The following ZNF438 variants were observed in gnomAD, a reference collection of about 807,000 sequenced individuals.
ZNF438 encodes the protein zinc finger protein 438.
ZNF438 carries 25 observed loss-of-function variants against 38.0 expected under a neutral mutation model. That is an observed-to-expected ratio of 0.66 (90% CI 0.48 to 0.92). The LOEUF (loss-of-function observed/expected upper bound fraction) is 0.92. Ranked by LOEUF, ZNF438 falls within the 40% of genes least tolerant of loss-of-function variation. The pLI is 0.00. For missense variants in ZNF438, 1,007 were observed against 999.6 expected, an observed-to-expected ratio of 1.01 and a Z score of -0.10; for synonymous variants, 372 against 364.1, an observed-to-expected ratio of 1.02 and a Z score of -0.25.
At chr10:30,929,068 CCTTT>C (rs2045307607) in intron 2 of ZNF438, among the ~76,000 whole-genome samples, 1 of 152,158 alleles carries the variant, frequency 6.6e-6, no homozygotes, top group African/African-American at 2.4e-5. Context: ...GTTTCTATTT[CCTTT>C]GTTTTATGCT....
At chr10:31,007,540 A>T (rs2055274475) in intron 1 of ZNF438, among the ~76,000 whole-genome samples, 1 of 152,074 alleles carries the variant, frequency 6.6e-6, no homozygotes, top group Admixed American at 6.5e-5. Context: ...TTGGCCTCCC[A>T]AAGTGCTGGG....
intron 1 of ZNF438, among the ~76,000 whole-genome samples, chr10:30,999,112 G>A (rs1202408833): frequency 6.6e-6 from 1 of 152,016 alleles, no homozygotes; most frequent in Non-Finnish European, 1.5e-5. Flanking sequence ...AAAAAAATCT[G>A]AAAGTTAAAT....
At chr10:30,930,869 T>C (rs1045730814) in intron 2 of ZNF438, among the ~76,000 whole-genome samples, 1 of 123,728 alleles carries the variant, frequency 8.1e-6, no homozygotes, top group Non-Finnish European at 1.7e-5. Context: ...GAAACTGCCA[T>C]CTGAATGATT....
At chr10:30,944,777 T>G (rs768371116) in intron 1 of ZNF438, among the ~76,000 whole-genome samples, 1 of 152,214 alleles carries the variant, frequency 6.6e-6, no homozygotes, top group Admixed American at 6.5e-5. Flanking sequence ...CAGTTAGTCA[T>G]GTCAAAGAGG....
At chr10:30,849,903 C>T (rs1460694991) in exon 5 of ZNF438, 2 of 1,613,940 alleles carry the variant, frequency 1.2e-6, no homozygotes, top group African/African-American at 1.3e-5. Context: ...TACAGGAGTT[C>T]AGGGTGGTGA....
intron 2 of ZNF438, among the ~76,000 whole-genome samples, chr10:30,930,802 T>A: frequency 1.5e-4 from 1 of 6,668 alleles, no homozygotes; most frequent in Non-Finnish European, 2.5e-4. Flanking sequence ...AGAAACTCAG[T>A]CAAAAAAAAA....
At chr10:30,939,211 T>G (rs2046567241) in intron 2 of ZNF438, among the ~76,000 whole-genome samples, 1 of 152,188 alleles carries the variant, frequency 6.6e-6, no homozygotes, top group Admixed American at 6.5e-5. Flanking sequence ...AATTAAATTC[T>G]CTGAAATTTA....
chr10:30,983,353 G>T (rs1041244969), intron 1 of ZNF438, among the ~76,000 whole-genome samples: 8 of 152,178 alleles, frequency 5.3e-5, no homozygotes, highest in Admixed American at 2.0e-4. Flanking sequence ...GGTTGGGGAG[G>T]CCTCAAGAAA....
At chr10:31,023,182 C>T (rs886287732) in intron 1 of ZNF438, among the ~76,000 whole-genome samples, 5 of 152,258 alleles carry the variant, frequency 3.3e-5, no homozygotes, top group African/African-American at 1.2e-4. Flanking sequence ...TAATGTTGAT[C>T]AGAATACTTT....
intron 4 of ZNF438, among the ~76,000 whole-genome samples, chr10:30,853,493 G>A (rs1391420986): frequency 6.6e-6 from 1 of 152,186 alleles, no homozygotes; most frequent in Non-Finnish European, 1.5e-5. Context: ...CCTGAGAGGA[G>A]GCTCCTGGCT....
At chr10:30,903,529 C>T (rs547711300) in intron 3 of ZNF438, among the ~76,000 whole-genome samples, 1 of 152,322 alleles carries the variant, frequency 6.6e-6, no homozygotes, top group South Asian at 2.1e-4. Flanking sequence ...AAAATTATTT[C>T]AGAGTCTACT....
At chr10:30,880,157 G>T (rs1195701625) in intron 3 of ZNF438, among the ~76,000 whole-genome samples, 1 of 152,024 alleles carries the variant, frequency 6.6e-6, no homozygotes. Flanking sequence ...CTGGCTGGAC[G>T]CGGAGGCTCA....
chr10:30,872,425 C>CAAAAAAAAAAAAA (rs566401687), intron 4 of ZNF438, among the ~76,000 whole-genome samples: 8 of 58,692 alleles, frequency 1.4e-4, no homozygotes, highest in Admixed American at 2.3e-4. Context: ...GACTCTGTCT[C>CAAAAAAAAAAAAA]AAAAAAAAAA....
At chr10:30,998,590 A>T (rs1427785769) in intron 1 of ZNF438, among the ~76,000 whole-genome samples, 1 of 139,668 alleles carries the variant, frequency 7.2e-6, no homozygotes, top group Non-Finnish European at 1.5e-5. Flanking sequence ...AAAAAAAATC[A>T]AGTATTACTA....
At chr10:30,853,481 C>T (rs2034068131) in intron 4 of ZNF438, among the ~76,000 whole-genome samples, 1 of 152,198 alleles carries the variant, frequency 6.6e-6, no homozygotes, top group African/African-American at 2.4e-5. Flanking sequence ...GGGCATGCAC[C>T]TCCTGAGAGG....
At chr10:31,021,118 G>A (rs560472134) in intron 1 of ZNF438, among the ~76,000 whole-genome samples, 209 of 148,118 alleles carry the variant, frequency 1.4e-3, no homozygotes, top group African/African-American at 3.5e-3. Flanking sequence ...GTGCAGTGGC[G>A]CAATCTCAGC....
chr10:31,001,107 C>T (rs1432255910), intron 1 of ZNF438, among the ~76,000 whole-genome samples: 1 of 152,178 alleles, frequency 6.6e-6, no homozygotes, highest in Non-Finnish European at 1.5e-5. Context: ...TTACAACACT[C>T]ATCTTGCTGT....
intron 2 of ZNF438, among the ~76,000 whole-genome samples, chr10:30,912,053 C>G (rs181431004): frequency 6.6e-6 from 1 of 152,156 alleles, no homozygotes; most frequent in East Asian, 1.9e-4. Context: ...TTAAACAAAC[C>G]CTAGTCTCTT....
intron 2 of ZNF438, among the ~76,000 whole-genome samples, chr10:30,929,810 C>CCGGA (rs1489205976): frequency 6.6e-6 from 1 of 152,084 alleles, no homozygotes; most frequent in African/African-American, 2.4e-5. Context: ...TCTCCAAGTC[C>CCGGA]CCACCAGATT....
Sources: gnomAD v4.1 joint callset for allele counts (sites outside exome capture counted in the v4.1 genomes callset) on GRCh38, gnomAD v4.1.1 for gene constraint, MANE v1.5 for transcripts, NCBI Gene and HGNC (gene_info 2026-07-23, HGNC 2026-07-21) for gene names.